EMILIN2: variants seen among roughly 807,000 people sequenced by gnomAD.
EMILIN2 encodes elastin microfibril interfacer 2.
EMILIN2 carries 71 observed loss-of-function variants against 87.1 expected under a neutral mutation model. The ratio of observed to expected loss-of-function variants is 0.82; its 90% CI spans 0.67 to 0.99. EMILIN2 has a LOEUF of 0.99. EMILIN2 is among the 50% of genes least tolerant of loss of function. The pLI is 0.00. For synonymous variants in EMILIN2, 581 were observed against 563.4 expected, an observed-to-expected ratio of 1.03 and a Z score of -0.44; for missense variants, 1,407 against 1,371.8, an observed-to-expected ratio of 1.03 and a Z score of -0.40.
chr18:2,897,503 G>T (rs1193785943), intron 4 of EMILIN2, among the ~76,000 whole-genome samples: 1 of 152,168 alleles, frequency 6.6e-6, no homozygotes, highest in Non-Finnish European at 1.5e-5. Context: ...GTGGCCACAG[G>T]TTTTTTTGTT....
At chr18:2,897,344 C>T (rs1365074531) in intron 4 of EMILIN2, among the ~76,000 whole-genome samples, 1 of 152,118 alleles carries the variant, frequency 6.6e-6, no homozygotes. Flanking sequence ...CCCTCCATAC[C>T]CTAGAATGGA....
intron 2 of EMILIN2, among the ~76,000 whole-genome samples, chr18:2,868,171 T>A (rs1307227101): frequency 6.7e-6 from 1 of 149,040 alleles, no homozygotes; most frequent in Non-Finnish European, 1.5e-5. Flanking sequence ...ACGGGGTGGC[T>A]GGGCAGAGAC....
chr18:2,848,043 G>A lies in EMILIN2; in HGVS notation c.257+112G>A, dbSNP rs1022221170. The A allele has an allele frequency of 1.3e-5, 17 of 1,317,202 alleles. No individual in the cohort carries two copies. Among genetic ancestry groups the A allele is most frequent in the South Asian group, 1.5e-5 (1 of 64,934 alleles). The allele number at this position is 1,317,202 out of a possible 1,614,324, so 81.6% of individuals were successfully genotyped here. On this transcript the variant is annotated intron_variant, in intron 2 of 7. Transcript: ENST00000254528. The surrounding 1 kb of genome is among the most constrained non-coding windows in gnomAD (Gnocchi z 4.1). Reference sequence around the variant, plus strand: ...CCTCCGGTAAATCCCTTCCAGATCCGGTGAAAAGCCCGCAGCGGAAAAGCG... The same window carrying A: ...CCTCCGGTAAATCCCTTCCAGATCCAGTGAAAAGCCCGCAGCGGAAAAGCG...
At chr18:2,873,719 TAA>T (rs1483268348) in intron 2 of EMILIN2, among the ~76,000 whole-genome samples, 1 of 151,862 alleles carries the variant, frequency 6.6e-6, no homozygotes, top group Admixed American at 6.6e-5. Context: ...AATAAATAAA[TAA>T]ATAAATAAAA....
chr18:2,875,499 C>T (rs2076742940), intron 2 of EMILIN2, among the ~76,000 whole-genome samples: 1 of 90,564 alleles, frequency 1.1e-5, no homozygotes, highest in Admixed American at 1.3e-4. Flanking sequence ...ATGGCCCTCC[C>T]CAAAATAATT....
chr18:2,868,037 T>A (rs893442656), intron 2 of EMILIN2, among the ~76,000 whole-genome samples: 142 of 151,554 alleles, frequency 9.4e-4, no homozygotes, highest in Non-Finnish European at 1.3e-3. Context: ...TGCTCCTCAC[T>A]TCCCAGACGG....
At chr18:2,879,691 AAAGTT>A (rs1205974650) in intron 2 of EMILIN2, among the ~76,000 whole-genome samples, 2 of 150,000 alleles carry the variant, frequency 1.3e-5, no homozygotes, top group African/African-American at 4.9e-5. Flanking sequence ...CCAAAAAAAG[AAAGTT>A]AAGTATATTA....
intron 5 of EMILIN2, among the ~76,000 whole-genome samples, chr18:2,907,764 T>C (rs1477764561): frequency 2.0e-5 from 3 of 152,214 alleles, no homozygotes; most frequent in African/African-American, 7.2e-5. Flanking sequence ...CCAATGGCAC[T>C]GTGAAGCCAG....
rs1304208183 is a variant in EMILIN2, at chr18:2,915,240, G to A, written c.*1836G>A. On this transcript the variant is annotated 3_prime_UTR_variant, in exon 8 of 8. Coordinates refer to ENST00000254528, the MANE Select transcript of EMILIN2 (RefSeq NM_032048.3). The stretch of plus-strand genomic sequence containing the variant: ...ACCAACAATGGTGAATCTCAGCTCT[G>A]TGTATTCAAGACAGGCAAAACAGAA... The A allele has an allele frequency of 1.3e-5, 2 of 152,262 alleles. No homozygotes were observed. The highest frequency in any genetic ancestry group is 4.8e-5 in the African/African-American group (2 of 41,456). 9.4% of individuals were successfully genotyped at this position (152,262 alleles called of 1,614,324 possible).
chr18:2,899,760 T>C (rs1469770197), intron 4 of EMILIN2, among the ~76,000 whole-genome samples: 6 of 152,082 alleles, frequency 3.9e-5, no homozygotes, highest in Non-Finnish European at 8.8e-5. Flanking sequence ...CACCTCAGCC[T>C]CCCAAAGTGC....
chr18:2,879,204 T>A (rs574154964), intron 2 of EMILIN2, among the ~76,000 whole-genome samples: 1 of 152,258 alleles, frequency 6.6e-6, no homozygotes, highest in African/African-American at 2.4e-5. Context: ...AACAGTCTCA[T>A]GAATCCCCAG....
At chr18:2,852,638 C>T (rs2076607109) in intron 2 of EMILIN2, among the ~76,000 whole-genome samples, 1 of 152,212 alleles carries the variant, frequency 6.6e-6, no homozygotes, top group South Asian at 2.1e-4. Flanking sequence ...CCTGCCTCAG[C>T]CTGCTGAGTA....
intron 4 of EMILIN2, among the ~76,000 whole-genome samples, chr18:2,897,455 C>T (rs1335675301): frequency 6.6e-6 from 1 of 152,234 alleles, no homozygotes; most frequent in Non-Finnish European, 1.5e-5. Flanking sequence ...ACAGCAGACA[C>T]AGGGTGAAGG....
Position 2,909,731 on chromosome 18 carries a change from C to T in EMILIN2, c.2736C>T (p.Leu912=), listed in dbSNP as rs992181065. Residue 912 remains leucine (L), a synonymous_variant, in exon 7 of 8, where the codon CTC becomes CTT. Transcript: ENST00000254528. Reference sequence around the variant, plus strand: ...CTCTGGTGTCTTTTTCTGCGGGGCTCACCCAGAAGCCTTTCCCCAGTGATG... The same window carrying T: ...CTCTGGTGTCTTTTTCTGCGGGGCTTACCCAGAAGCCTTTCCCCAGTGATG... ...VPSLVSFSAG[L]TQKPFPSDGG... 4 of 1,613,966 alleles carry T rather than the reference C, an allele frequency of 2.5e-6. No individual in the cohort carries two copies. The highest frequency in any genetic ancestry group is 3.4e-6 in the Non-Finnish European group (4 of 1,179,930).
intron 2 of EMILIN2, among the ~76,000 whole-genome samples, chr18:2,864,239 A>T (rs2076675249): frequency 6.6e-6 from 1 of 152,134 alleles, no homozygotes; most frequent in South Asian, 2.1e-4. Context: ...TAATATTGTT[A>T]TGTGTGAATT....
chr18:2,853,012 A>G (rs2076609020), intron 2 of EMILIN2, among the ~76,000 whole-genome samples: 1 of 152,092 alleles, frequency 6.6e-6, no homozygotes. Flanking sequence ...GGGTGGCTCA[A>G]TAGAATCTGA....
intron 2 of EMILIN2, among the ~76,000 whole-genome samples, chr18:2,850,413 A>ATTG (rs1373077155): frequency 2.0e-5 from 3 of 148,982 alleles, no homozygotes; most frequent in Admixed American, 6.7e-5. Context: ...TTTTATTATT[A>ATTG]TTGTTTTTTA....
At chr18:2,873,401 T>G (rs145022606) in intron 2 of EMILIN2, among the ~76,000 whole-genome samples, 1 of 127,350 alleles carries the variant, frequency 7.9e-6, no homozygotes, top group African/African-American at 2.9e-5. Context: ...CAGAGTAAGA[T>G]TCCGTCTCAA....
Position 2,913,119 on chromosome 18 carries a change from C to G in EMILIN2, c.2877C>G (p.Thr959=). The change falls in exon 8 of 8, where the codon ACC becomes ACG. Residue 959 remains threonine, a synonymous_variant. Transcript: ENST00000254528. ...DGRYLITATL[T]PERDAYVEAV... is the part of the protein sequence containing the mutation. ...GCTACCTGATCACGGCCACCCTCAC[C>G]CCCGAGAGAGACGCCTACGTGGAAG... 1 of 1,613,364 alleles carries G rather than the reference C, an allele frequency of 6.2e-7. No individual in the cohort carries two copies. Among genetic ancestry groups the G allele is most frequent in the Non-Finnish European group, 8.5e-7 (1 of 1,180,026 alleles).
Sources: allele counts gnomAD v4.1 joint callset (sites outside exome capture counted in the v4.1 genomes callset), GRCh38; gene constraint gnomAD v4.1.1; non-coding constraint Gnocchi (gnomAD v3.1); transcripts MANE v1.5; gene names NCBI Gene and HGNC (gene_info 2026-07-23, HGNC 2026-07-21).